Variants in THRAP3 observed in about 807,000 individuals in gnomAD.
The protein encoded by THRAP3 is thyroid hormone receptor-associated protein 3.
THRAP3 carries 16 observed loss-of-function variants against 101.0 expected under a neutral mutation model. The observed-to-expected ratio is 0.16, with a 90% confidence interval of 0.11 to 0.24. THRAP3 has a LOEUF of 0.24. THRAP3 is among the 10% of genes least tolerant of loss of function. The pLI is 1.00. For synonymous variants in THRAP3, 407 were observed against 422.6 expected, an observed-to-expected ratio of 0.96 and a Z score of 0.45; for missense variants, 989 against 1,202.7, an observed-to-expected ratio of 0.82 and a Z score of 2.63.
At chr1:36,231,575 ATTG>A (rs1354676266) in intron 1 of THRAP3, among the ~76,000 whole-genome samples, 2 of 152,132 alleles carry the variant, frequency 1.3e-5, no homozygotes, top group Non-Finnish European at 2.9e-5. Context: ...AGTCCATTGT[ATTG>A]TTTTCAGTAG....
rs1298755609 is a variant in THRAP3, at chr1:36,252,946, A to ATG, written c.-134-6435_-134-6434insGT. Among the ~76,000 whole-genome samples the ATG allele has an allele frequency of 7.6e-3, 882 of 115,920 alleles. 12 individuals are homozygous for ATG. Among genetic ancestry groups the ATG allele is most frequent in the African/African-American group, 0.026 (848 of 32,156 alleles). 76.0% of individuals were successfully genotyped at this position (115,920 alleles called of 152,430 possible). A position where few individuals can be genotyped will look rare whatever the true frequency, so the allele number is the denominator to read the frequency against. ...GATAGGCATATATATATATATATAT[A>ATG]TATATATATATATATATATATATAA... On this transcript the variant is annotated intron_variant, in intron 1 of 11. Transcript: ENST00000354618.
chr1:36,248,923 A>G (rs1358839675), intron 1 of THRAP3, among the ~76,000 whole-genome samples: 2 of 150,164 alleles, frequency 1.3e-5, no homozygotes, highest in Non-Finnish European at 3.0e-5. Context: ...TTTTGGAGAC[A>G]GTGTCTTGCT....
Position 36,282,655 on chromosome 1 carries a change from G to A in THRAP3, c.92G>A (p.Arg31Gln), listed in dbSNP as rs771596867. Reference sequence around the variant, plus strand: ...CGTTCTCGTTCATTTTCGAAGTCTCGGTCCCGAAGCCGATCTCTCTCTCGT... The same window carrying A: ...CGTTCTCGTTCATTTTCGAAGTCTCAGTCCCGAAGCCGATCTCTCTCTCGT... Reference protein sequence around the residue: ...RSRSRSFSKSRSRSRSLSRSR... With the variant: ...RSRSRSFSKSQSRSRSLSRSR... Residue 31 changes from arginine (R) to glutamine (Q), a missense_variant, in exon 3 of 12, where the codon CGG becomes CAG. Arg to Gln is a conservative substitution (Grantham distance 43). Transcript: ENST00000354618. The A allele has an allele frequency of 3.7e-6, 6 of 1,614,076 alleles. No homozygotes were observed. Among genetic ancestry groups the A allele is most frequent in the East Asian group, 2.2e-5 (1 of 44,880 alleles).
chr1:36,254,398 T>C (rs141686772), intron 1 of THRAP3, among the ~76,000 whole-genome samples: 241 of 152,338 alleles, frequency 1.6e-3, no homozygotes, highest in African/African-American at 5.6e-3. Flanking sequence ...AATAACAAAA[T>C]GATTCACACT....
At chr1:36,208,798 C>T in the THRAP3 span, among the ~76,000 whole-genome samples, 1 of 151,964 alleles carries the variant, frequency 6.6e-6, no homozygotes, top group Non-Finnish European at 1.5e-5. Context: ...TCCTGAATAG[C>T]TGGGACTACA....
At chr1:36,242,569 C>T (rs868074118) in intron 1 of THRAP3, among the ~76,000 whole-genome samples, 5 of 151,670 alleles carry the variant, frequency 3.3e-5, no homozygotes, top group South Asian at 4.2e-4. Context: ...TCTCCTGTCT[C>T]GGCCTCCTAA....
chr1:36,263,843 C>G (rs1156931203), intron 2 of THRAP3, among the ~76,000 whole-genome samples: 1 of 152,178 alleles, frequency 6.6e-6, no homozygotes, highest in Non-Finnish European at 1.5e-5. Context: ...TTTTAGCTTG[C>G]TGTTGATTTT....
chr1:36,258,164 A>T (rs116735585), intron 1 of THRAP3, among the ~76,000 whole-genome samples: 34 of 152,122 alleles, frequency 2.2e-4, no homozygotes, highest in Non-Finnish European at 4.6e-4. Context: ...TTTAAATTCA[A>T]CATGTTACAG....
chr1:36,268,151 C>G (rs1404676197), intron 2 of THRAP3, among the ~76,000 whole-genome samples: 1 of 151,690 alleles, frequency 6.6e-6, no homozygotes, highest in Non-Finnish European at 1.5e-5. Context: ...CACTGTACTC[C>G]AGCCTGGGCA....
At chr1:36,258,810 G>T (rs1390253309) in intron 1 of THRAP3, among the ~76,000 whole-genome samples, 1 of 152,222 alleles carries the variant, frequency 6.6e-6, no homozygotes, top group African/African-American at 2.4e-5. Flanking sequence ...GATAAGGCAG[G>T]AGTGAGGACA....
intron 8 of THRAP3, among the ~76,000 whole-genome samples, chr1:36,294,911 A>C: frequency 6.6e-6 from 1 of 152,142 alleles, no homozygotes; most frequent in African/African-American, 2.4e-5. Context: ...TCCCTCTGTT[A>C]GGAAACAAAT....
intron 5 of THRAP3, among the ~76,000 whole-genome samples, chr1:36,290,425 G>A (rs1161590008): frequency 6.6e-6 from 1 of 151,624 alleles, no homozygotes; most frequent in Non-Finnish European, 1.5e-5. Context: ...TCCTGACCTC[G>A]TGATCCGCCC....
the THRAP3 span, among the ~76,000 whole-genome samples, chr1:36,215,693 T>C: frequency 1.3e-3 from 192 of 152,244 alleles, 1 homozygote; most frequent in Non-Finnish European, 1.9e-3. Flanking sequence ...CATGAATGCA[T>C]TTATGGATGC....
At chr1:36,259,184 TC>T (rs1175053424) in intron 1 of THRAP3, among the ~76,000 whole-genome samples, 197 bp from the exon 2 acceptor site, 1 of 152,188 alleles carries the variant, frequency 6.6e-6, no homozygotes, top group Non-Finnish European at 1.5e-5. Context: ...GCTTTTGCTT[TC>T]CATACTGTAG....
chr1:36,210,376 A>G, the THRAP3 span, among the ~76,000 whole-genome samples: 1 of 148,114 alleles, frequency 6.8e-6, no homozygotes, highest in South Asian at 2.1e-4. Flanking sequence ...AAAAAAAAAA[A>G]AAAAAAGAAA....
In THRAP3 at chr1:36,289,659, A is replaced by G; in HGVS notation, c.1640A>G (p.Lys547Arg). Residue 547 changes from lysine to arginine, a missense_variant, in exon 5 of 12, where the codon AAG (lysine) becomes AGG (arginine). By Grantham distance (26) the Lys-to-Arg change is conservative. Transcript: ENST00000354618. ...PPRKTSESRD[K>R]LGAKGDFPTG... is the part of the protein sequence containing the mutation. ...AGAAAGACCTCTGAGAGCCGAGACA[A>G]GCTGGGAGCGAAAGGAGATTTTCCC... 6.2e-7 allele frequency: 1 copy of G among 1,614,222 alleles called. No homozygotes were observed. The highest frequency in any genetic ancestry group is 8.5e-7 in the Non-Finnish European group (1 of 1,180,046).
At chr1:36,272,122 GC>G (rs1475648006) in intron 2 of THRAP3, among the ~76,000 whole-genome samples, 4 of 150,692 alleles carry the variant, frequency 2.7e-5, no homozygotes, top group Admixed American at 2.6e-4. Flanking sequence ...TGAAAAGCAA[GC>G]CTCCTTCCTT....
At chr1:36,251,973 A>G (rs1277799835) in intron 1 of THRAP3, among the ~76,000 whole-genome samples, 2 of 152,158 alleles carry the variant, frequency 1.3e-5, no homozygotes, top group African/African-American at 4.8e-5. Flanking sequence ...TGAGGAGTTC[A>G]GTTGCTTTGG....
intron 11 of THRAP3, among the ~76,000 whole-genome samples, chr1:36,302,162 TC>T (rs1164949288): frequency 6.6e-6 from 1 of 152,220 alleles, no homozygotes; most frequent in Non-Finnish European, 1.5e-5. Flanking sequence ...AGGCTGTTGA[TC>T]ATTCCTGTGC....
Sources: gnomAD v4.1 joint callset for allele counts (sites outside exome capture counted in the v4.1 genomes callset) on GRCh38, gnomAD v4.1.1 for gene constraint, MANE v1.5 for transcripts, NCBI Gene and HGNC (gene_info 2026-07-23, HGNC 2026-07-21) for gene names.